Variants in SORBS2 observed in about 807,000 individuals in gnomAD.
SORBS2 encodes the protein sorbin and SH3 domain-containing protein 2.
A neutral mutation model predicts 97.7 loss-of-function variants in SORBS2; 46 were observed. The observed-to-expected ratio is 0.47, with a 90% CI of 0.37 to 0.60. SORBS2 has a LOEUF of 0.60. Ranked by LOEUF, SORBS2 falls within the 20% of genes least tolerant of loss-of-function variation. The pLI, the probability that SORBS2 is intolerant of heterozygous loss-of-function variation, is 0.00. For missense variants in SORBS2, 1,316 were observed against 1,282.3 expected (o/e 1.03, Z -0.40); for synonymous variants, 476 against 473.4 (o/e 1.01, Z -0.07).
intron 2 of SORBS2, among the ~76,000 whole-genome samples, chr4:185,767,253 C>G (rs942992854): frequency 2.0e-5 from 3 of 151,698 alleles, no homozygotes; most frequent in Non-Finnish European, 2.9e-5. Context: ...AATCCCAGCA[C>G]TTTGGGAGGC....
chr4:185,784,137 T>C (rs574723631), intron 1 of SORBS2, among the ~76,000 whole-genome samples: 1 of 152,050 alleles, frequency 6.6e-6, no homozygotes, highest in Non-Finnish European at 1.5e-5. Flanking sequence ...CCTTGTCCTT[T>C]TCTTTCTTTT....
rs757842073 is a variant in SORBS2, at chr4:185,644,157, T to G, written c.396+2511A>C. Among the ~76,000 whole-genome samples the G allele has an allele frequency of 9.2e-5, 14 of 152,268 alleles. 1 individual carries two copies. The highest frequency in any genetic ancestry group is 3.3e-4 in the Admixed American group (5 of 15,296). ...TGCTTAAGGCTGGTCCTCTCCAAAA[T>G]TGTTTAGGAGGGTTAACATTTTTGG... On this transcript the variant is annotated intron_variant, in intron 4 of 14. Transcript: ENST00000418609.
chr4:185,885,243 T>C (rs981861864), intron 1 of SORBS2, among the ~76,000 whole-genome samples: 1 of 152,238 alleles, frequency 6.6e-6, no homozygotes, highest in East Asian at 1.9e-4. Context: ...AATCCTCTTA[T>C]GTGAACTGCA....
exon 1 of SORBS2, chr4:185,656,629 T>G (rs1350778190): frequency 6.4e-7 from 1 of 1,550,958 alleles, no homozygotes; most frequent in Non-Finnish European, 8.7e-7. Context: ...AAAGGTGTTG[T>G]TGCTTTCATC....
intron 1 of SORBS2, among the ~76,000 whole-genome samples, chr4:185,879,668 C>T (rs1381773240): frequency 6.7e-6 from 1 of 149,404 alleles, no homozygotes; most frequent in Non-Finnish European, 1.5e-5. Flanking sequence ...TCTCCACATC[C>T]TCTCCAGCAC....
chr4:185,681,087 T>A (rs2097860447), intron 2 of SORBS2, among the ~76,000 whole-genome samples: 1 of 151,934 alleles, frequency 6.6e-6, no homozygotes, highest in Admixed American at 6.6e-5. Context: ...GGCCATTGAG[T>A]CGAACTTCAG....
chr4:185,657,410 C>T, upstream of SORBS2: 3 of 1,526,568 alleles, frequency 2.0e-6, no homozygotes, highest in Non-Finnish European at 2.6e-6. Flanking sequence ...GACGCACACG[C>T]TGGCATTTCC....
intron 1 of SORBS2, among the ~76,000 whole-genome samples, chr4:185,929,847 TA>T (rs1246888742): frequency 6.6e-6 from 1 of 152,152 alleles, no homozygotes; most frequent in Non-Finnish European, 1.5e-5. Flanking sequence ...AAGAGATTTT[TA>T]AAAGCCTGAT....
At chr4:185,719,944 C>T (rs1175200435) in intron 2 of SORBS2, among the ~76,000 whole-genome samples, 1 of 152,190 alleles carries the variant, frequency 6.6e-6, no homozygotes, top group African/African-American at 2.4e-5. Context: ...CTTGTTTTAT[C>T]ACCAAATTTT....
At position 185,730,247 on chromosome 4, in the gene SORBS2, G is replaced by A. The variant is rs559849491; in HGVS notation, c.-198+44980C>T. 2.0e-5 allele frequency among the ~76,000 whole-genome samples: 3 copies of A among 150,178 alleles called. No individual in the cohort carries two copies. The East Asian group carries it at 5.9e-4, about 29-fold the overall frequency. ...ATATTCTCCAAACAATGATGTGCAA[G>A]TACAAGGTACAAACCAGGAAAGTGT... On this transcript the variant is annotated intron_variant, in intron 2 of 20. Transcript: ENST00000284776.
rs1484345615 is a variant in SORBS2 at position 185,783,173 on chromosome 4, AG to A, written c.-337-7808del. Among the ~76,000 whole-genome samples, 3 of 152,240 alleles carry A rather than the reference AG, an allele frequency of 2.0e-5. No homozygotes were observed. The South Asian group carries it at 6.2e-4, about 32-fold the overall frequency. ...GGACGAATTAAGCCCAATGAAGGAC[AG>A]TTGACCAGCATTCAAGAGGTAGAAG... On this transcript the variant is annotated intron_variant, in intron 1 of 20. Coordinates refer to the SORBS2 transcript ENST00000284776.
intron 2 of SORBS2, among the ~76,000 whole-genome samples, chr4:185,724,207 C>CT (rs200173590): frequency 0.016 from 2,469 of 151,546 alleles, 26 homozygotes; most frequent in Non-Finnish European, 0.025. Flanking sequence ...TCAGTATTGG[C>CT]TTTTTTTTGA....
At chr4:185,762,735 T>C (rs1371822107) in intron 2 of SORBS2, among the ~76,000 whole-genome samples, 1 of 152,232 alleles carries the variant, frequency 6.6e-6, no homozygotes, top group Admixed American at 6.5e-5. Context: ...CATGAGAAAA[T>C]TCAAAATTAT....
chr4:185,592,962 T>C (rs183278378), intron 13 of SORBS2: 168 of 152,356 alleles, frequency 1.1e-3, no homozygotes, highest in African/African-American at 4.0e-3. Flanking sequence ...CGGAGCTGCT[T>C]TTTGCTAAGT....
At chr4:185,710,923 C>T (rs1418896458) in intron 2 of SORBS2, among the ~76,000 whole-genome samples, 1 of 152,178 alleles carries the variant, frequency 6.6e-6, no homozygotes, top group African/African-American at 2.4e-5. Context: ...AAATCGTGTG[C>T]AAAACGGAAC....
At chr4:185,870,246 T>C (rs1378136153) in intron 1 of SORBS2, among the ~76,000 whole-genome samples, 1 of 152,106 alleles carries the variant, frequency 6.6e-6, no homozygotes, top group Non-Finnish European at 1.5e-5. Context: ...GAATGAAAAG[T>C]TGGGTTCCCT....
At chr4:185,639,207 G>A (rs1020205564) in intron 4 of SORBS2, among the ~76,000 whole-genome samples, 172 bp from the exon 14 acceptor site, 9 of 152,190 alleles carry the variant, frequency 5.9e-5, no homozygotes, top group African/African-American at 9.6e-5. Context: ...GGGCCGCTGC[G>A]AAGCCCTGCC....
chr4:185,646,617 G>T lies in SORBS2; in HGVS notation c.396+51C>A, dbSNP rs774630904. ...GTCTGAAATTCAGGTTTATTGGGGA[G>T]CCCTGGGAGCCCAGCGAGCTGGCAT... On this transcript the variant is annotated intron_variant, in intron 4 of 14. Transcript: ENST00000418609. 52 of 1,130,476 alleles carry T rather than the reference G, an allele frequency of 4.6e-5. No individual in the cohort carries two copies. In the Middle Eastern group the frequency reaches 7.9e-4, roughly 17 times the overall value. The allele number at this position is 1,130,476 out of a possible 1,614,324, so 70.0% of individuals were successfully genotyped here. A position where few individuals can be genotyped will look rare whatever the true frequency, so the allele number is the denominator to read the frequency against.
At chr4:185,692,809 T>TACAC (rs34369658) in intron 2 of SORBS2, among the ~76,000 whole-genome samples, 24 of 151,430 alleles carry the variant, frequency 1.6e-4, no homozygotes, top group African/African-American at 3.6e-4. Flanking sequence ...TGTGCACACA[T>TACAC]ACACACACAC....
Sources: allele counts gnomAD v4.1 joint callset (sites outside exome capture counted in the v4.1 genomes callset), GRCh38; gene constraint gnomAD v4.1.1; transcripts MANE v1.5; gene names NCBI Gene and HGNC (gene_info 2026-07-23, HGNC 2026-07-21).